Variants in CNTN5 observed in about 807,000 individuals in gnomAD.
CNTN5 encodes the protein contactin 5, also known as contactin-5.
Under a neutral mutation model 129.1 loss-of-function variants are expected in CNTN5, and 77 were observed. The ratio of observed to expected loss-of-function variants is 0.60; its 90% CI spans 0.50 to 0.72. The LOEUF is 0.72. Ranked by LOEUF, CNTN5 falls within the 30% of genes least tolerant of loss-of-function variation. CNTN5 has a pLI of 0.00. For synonymous variants in CNTN5, 509 were observed against 465.6 expected (o/e 1.09, Z -1.20); for missense variants, 1,478 against 1,328.8 (o/e 1.11, Z -1.75).
intron 1 of CNTN5, among the ~76,000 whole-genome samples, chr11:99,276,667 G>A (rs1863449799): frequency 6.6e-6 from 1 of 151,296 alleles, no homozygotes; most frequent in South Asian, 2.1e-4. Flanking sequence ...AATAGAAACA[G>A]GAATTGTAGT....
At chr11:99,460,601 A>G (rs1944659876) in intron 2 of CNTN5, among the ~76,000 whole-genome samples, 1 of 152,028 alleles carries the variant, frequency 6.6e-6, no homozygotes, top group Admixed American at 6.6e-5. Context: ...ATTAGAAGGT[A>G]AAGTAAAAGA....
At chr11:99,602,017 T>C (rs1950327131) in intron 3 of CNTN5, among the ~76,000 whole-genome samples, 1 of 152,146 alleles carries the variant, frequency 6.6e-6, no homozygotes. Context: ...TAACAAATGT[T>C]TTAAATATTA....
intron 3 of CNTN5, among the ~76,000 whole-genome samples, chr11:99,727,948 G>A (rs1230042271): frequency 6.6e-6 from 1 of 152,068 alleles, no homozygotes; most frequent in African/African-American, 2.4e-5. Context: ...TAAATCATTT[G>A]TCTGAGGTTT....
chr11:99,844,875 T>C lies in CNTN5; in HGVS notation c.301T>C (p.Phe101Leu), dbSNP rs1418391712. Reference sequence around the variant, plus strand: ...AGAAAGTGTGGACTATGGGCCAGTTTTTGTGCAAGAACCAGATGATATTAT... The same window carrying C: ...AGAAAGTGTGGACTATGGGCCAGTTCTTGTGCAAGAACCAGATGATATTAT... ...QDESVDYGPV[F>L]VQEPDDIIFP... Residue 101 changes from phenylalanine (F) to leucine (L), a missense_variant, in exon 5 of 25, where the codon TTT (phenylalanine) becomes CTT (leucine). Coordinates refer to ENST00000524871, the MANE Select transcript of CNTN5 (RefSeq NM_014361.4). The C allele has an allele frequency of 6.2e-6, 10 of 1,613,612 alleles. No homozygotes were observed. The highest frequency in any genetic ancestry group is 8.5e-6 in the Non-Finnish European group (10 of 1,179,692).
intron 9 of CNTN5, among the ~76,000 whole-genome samples, chr11:100,020,436 C>A (rs1240127932): frequency 6.6e-6 from 1 of 152,008 alleles, no homozygotes. Context: ...TAACAGTTAA[C>A]TGTAGATGTG....
intron 8 of CNTN5, among the ~76,000 whole-genome samples, chr11:99,962,943 G>A (rs1950990271): frequency 6.6e-6 from 1 of 150,702 alleles, no homozygotes; most frequent in South Asian, 2.1e-4. Flanking sequence ...TTTTTTGGCT[G>A]TATAAATGTC....
chr11:99,527,804 G>A (rs1380860759), intron 2 of CNTN5, among the ~76,000 whole-genome samples: 1 of 152,172 alleles, frequency 6.6e-6, no homozygotes, highest in East Asian at 1.9e-4. Context: ...CAAAGGCAGA[G>A]TTGGAAAAAA....
intron 2 of CNTN5, among the ~76,000 whole-genome samples, chr11:99,491,379 C>T (rs897799262): frequency 3.3e-5 from 5 of 151,922 alleles, no homozygotes; most frequent in Admixed American, 6.6e-5. Flanking sequence ...GGACTAAAGG[C>T]GAATTGATTA....
chr11:100,024,891 G>A (rs1941340679), intron 9 of CNTN5, among the ~76,000 whole-genome samples: 1 of 152,164 alleles, frequency 6.6e-6, no homozygotes, highest in Non-Finnish European at 1.5e-5. Context: ...ATGTTTAAAA[G>A]GGAAACAGAA....
rs191198877 is a variant in CNTN5, at chr11:100,292,269, G to A, written c.2315-5356G>A. 1.5e-4 allele frequency among the ~76,000 whole-genome samples: 23 copies of A among 152,110 alleles called. No individual in the cohort carries two copies. In the East Asian group the frequency reaches 3.5e-3, roughly 23 times the overall value. On this transcript the variant is annotated intron_variant, in intron 18 of 24. Transcript: ENST00000524871. ...GGTGTTAAATGTTCAACATGATGGC[G>A]TTTATCCACATACTGCTGCTTTCTC...
At chr11:99,620,978 A>AT (rs202160844) in intron 3 of CNTN5, among the ~76,000 whole-genome samples, 1,639 of 118,214 alleles carry the variant, frequency 0.014, 37 homozygotes, top group African/African-American at 0.041. Context: ...TTGTATGCCT[A>AT]TTTTTTTTCA....
intron 13 of CNTN5, among the ~76,000 whole-genome samples, chr11:100,111,350 T>G (rs1451384972): frequency 1.3e-5 from 2 of 151,496 alleles, no homozygotes; most frequent in Non-Finnish European, 2.9e-5. Context: ...TGAAACAGAC[T>G]GATGAGGCAA....
At chr11:99,224,652 GTTGCAT>G (rs916491592) in intron 1 of CNTN5, among the ~76,000 whole-genome samples, 2 of 94,700 alleles carry the variant, frequency 2.1e-5, no homozygotes, top group African/African-American at 4.1e-5. Flanking sequence ...GTCTCCCAAG[GTTGCAT>G]TTTTTTTTTT....
intron 21 of CNTN5, among the ~76,000 whole-genome samples, chr11:100,311,069 A>G (rs915279014): frequency 2.0e-5 from 3 of 151,946 alleles, no homozygotes; most frequent in African/African-American, 7.2e-5. Context: ...TCAATCTGGA[A>G]GGTAGATAAT....
chr11:99,839,992 A>T (rs536503507), intron 4 of CNTN5, among the ~76,000 whole-genome samples: 25 of 152,222 alleles, frequency 1.6e-4, no homozygotes, highest in Admixed American at 6.5e-4. Context: ...ACTGAGTCAC[A>T]GAAAAAAAAA....
intron 1 of CNTN5, among the ~76,000 whole-genome samples, chr11:99,086,799 T>A (rs766074593): frequency 6.6e-6 from 1 of 152,194 alleles, no homozygotes; most frequent in African/African-American, 2.4e-5. Flanking sequence ...CTGATACTGG[T>A]CCAGCTAAAT....
intron 18 of CNTN5, among the ~76,000 whole-genome samples, chr11:100,273,914 G>A (rs1289995826): frequency 2.6e-5 from 4 of 152,128 alleles, no homozygotes; most frequent in Admixed American, 2.0e-4. Flanking sequence ...AAATAGAGAA[G>A]GCAATGCTAA....
chr11:100,150,412 T>C (rs1219060527), intron 13 of CNTN5, among the ~76,000 whole-genome samples: 2 of 152,064 alleles, frequency 1.3e-5, no homozygotes, highest in African/African-American at 2.4e-5. Flanking sequence ...CAAATTTTTT[T>C]CTTTAATGTG....
At chr11:100,226,096 C>A (rs956255241) in intron 16 of CNTN5, among the ~76,000 whole-genome samples, 23 of 151,944 alleles carry the variant, frequency 1.5e-4, no homozygotes, top group Admixed American at 8.5e-4. Context: ...ATCTGTGTTA[C>A]CTTATTATAA....
Sources: gnomAD v4.1 joint callset for allele counts (sites outside exome capture counted in the v4.1 genomes callset) on GRCh38, gnomAD v4.1.1 for gene constraint, MANE v1.5 for transcripts, NCBI Gene and HGNC (gene_info 2026-07-23, HGNC 2026-07-21) for gene names.